Variants in SPC24 observed in about 807,000 individuals in gnomAD.
The protein encoded by SPC24 is SPC24 component of NDC80 kinetochore complex.
Under a neutral mutation model 27.6 loss-of-function variants are expected in SPC24, and 31 were observed. The ratio of observed to expected loss-of-function variants is 1.12; its 90% CI spans 0.84 to 1.52. The LOEUF (loss-of-function observed/expected upper bound fraction) is 1.52, where lower values mean the gene tolerates loss of function less well. Ranked by LOEUF, SPC24 falls within the 40% of genes most tolerant of loss-of-function variation. The pLI is 0.00. For missense variants in SPC24, 284 were observed against 252.5 expected (o/e 1.12, Z -0.84); for synonymous variants, 105 against 105.8 (o/e 0.99, Z 0.05).
At chr19:11,151,219 A>G (rs923237399) in intron 1 of SPC24, among the ~76,000 whole-genome samples, 1 of 151,884 alleles carries the variant, frequency 6.6e-6, no homozygotes, top group Non-Finnish European at 1.5e-5. Flanking sequence ...AGTTTTAGAA[A>G]CTTACATTAT....
chr19:11,151,268 A>G (rs367672245), intron 1 of SPC24, among the ~76,000 whole-genome samples: 1 of 151,980 alleles, frequency 6.6e-6, no homozygotes, highest in Non-Finnish European at 1.5e-5. Flanking sequence ...TTCTGCAAAC[A>G]TGAACACACA....
chr19:11,147,525 C>T, intron 4 of SPC24: 1 of 567,548 alleles, frequency 1.8e-6, no homozygotes, highest in Non-Finnish European at 3.1e-6. Context: ...CACGCCTGGC[C>T]TCAGGTCTTC....
At chr19:11,148,867 C>T (rs975492224) in intron 2 of SPC24, among the ~76,000 whole-genome samples, 1 of 152,180 alleles carries the variant, frequency 6.6e-6, no homozygotes, top group African/African-American at 2.4e-5. Context: ...CCACCTGCCT[C>T]GGCCTCCCAA....
intron 1 of SPC24, among the ~76,000 whole-genome samples, chr19:11,153,544 G>A (rs9676629): frequency 0.034 from 5,149 of 152,004 alleles, 296 homozygotes; most frequent in African/African-American, 0.12. Flanking sequence ...GGCGGATCAC[G>A]AGGTCAAGAG....
Position 11,149,387 on chromosome 19 carries a change from C to T in SPC24, c.161-149G>A, listed in dbSNP as rs543422781. 519 of 567,318 alleles carry T rather than the reference C, an allele frequency of 9.1e-4. 3 individuals carry two copies. The highest frequency in any genetic ancestry group is 1.2e-3 in the Non-Finnish European group (406 of 351,932). The allele number at this position is 567,318 out of a possible 1,614,324, so 35.1% of individuals were successfully genotyped here. ...AGAGTTCTACTGGCAACTTGTACAA[C>T]TACTGTTTCACCAAAACACATTTAA... is the stretch of plus-strand genomic sequence containing the variant. On this transcript the variant is annotated intron_variant, in intron 1 of 4. Coordinates refer to ENST00000592540, the MANE Select transcript of SPC24 (RefSeq NM_182513.4).
At chr19:11,149,314 G>C in intron 1 of SPC24, 76 bp from the exon 2 acceptor site, 1 of 1,336,934 alleles carries the variant, frequency 7.5e-7, no homozygotes, top group Non-Finnish European at 9.8e-7. Flanking sequence ...GGTTCCACTT[G>C]CCTCCACTGG....
At position 11,149,095 on chromosome 19, in the gene SPC24, G is replaced by T; in HGVS notation, c.304C>A (p.Leu102Ile). Residue 102 changes from leucine (L) to isoleucine (I), a missense_variant and splice_region_variant, in exon 2 of 5, where the codon CTT becomes ATT. Coordinates refer to ENST00000592540, the MANE Select transcript of SPC24 (RefSeq NM_182513.4). The part of the protein sequence containing the change: ...EEDTRLKASL[L>I]QLTRELEELK... ...TGATCCCCTAGCAGAAAAGGATATA[G>T]GAGGCTGGCCTTCAGACGGGTGTCC... The T allele has an allele frequency of 6.6e-7, 1 of 1,525,140 alleles. No homozygotes were observed. Among genetic ancestry groups the T allele is most frequent in the Non-Finnish European group, 8.8e-7 (1 of 1,136,964 alleles). 94.5% of individuals were successfully genotyped at this position (1,525,140 alleles called of 1,614,324 possible).
Position 11,145,542 on chromosome 19 carries a change from C to T in SPC24, c.*1641G>A, listed in dbSNP as rs187464374. The T allele has an allele frequency of 3.3e-5, 5 of 152,240 alleles. No individual in the cohort carries two copies. The highest frequency in any genetic ancestry group is 3.3e-4 in the Admixed American group (5 of 15,260). The allele number at this position is 152,240 out of a possible 1,614,324, so 9.4% of individuals were successfully genotyped here. On this transcript the variant is annotated 3_prime_UTR_variant, in exon 5 of 5. Coordinates refer to ENST00000592540, the MANE Select transcript of SPC24 (RefSeq NM_182513.4). ...TATTTTGGTATCTGTCATAGAAAAC[C>T]CCCAAAACCAGCAGCTTACACAAGG...
Position 11,147,265 on chromosome 19 carries a change from TG to T in SPC24, c.511del (p.Gln171SerfsTer50). The T allele has an allele frequency of 6.4e-7, 1 of 1,566,664 alleles. No individual in the cohort carries two copies. The highest frequency in any genetic ancestry group is 8.7e-7 in the Non-Finnish European group (1 of 1,154,996). On this transcript the variant is annotated frameshift_variant, in exon 5 of 5. Coordinates refer to ENST00000592540, the MANE Select transcript of SPC24 (RefSeq NM_182513.4). LOFTEE classifies it high-confidence loss of function. ...KGIHHGPSVAQPIHLDSTQLS... is the reference protein window; with the variant it reads ...KGIHHGPSVAXPIHLDSTQLS... ...CTGGGTGCTGTCCAGGTGGATGGGC[TG>T]GGCCACACTGGGGCCATGATGGACT...
Position 11,148,059 on chromosome 19 carries a change from C to G in SPC24, c.364G>C (p.Glu122Gln). The change falls in exon 3 of 5, where the codon GAG becomes CAG. Residue 122 changes from glutamate (E) to glutamine (Q), a missense_variant. Coordinates refer to ENST00000592540, the MANE Select transcript of SPC24 (RefSeq NM_182513.4). The part of the protein sequence containing the change: ...KEIEADLERQ[E>Q]KEVDEDTTVT... The stretch of plus-strand genomic sequence containing the variant: ...GTCGTGTCCTCGTCGACCTCCTTCT[C>G]CTGTCGCTCCAGATCCGCCTCAATC... 1.2e-6 allele frequency: 2 copies of G among 1,613,916 alleles called. No homozygotes were observed. The highest frequency in any genetic ancestry group is 1.7e-5 in the Admixed American group (1 of 59,968).
intron 1 of SPC24, among the ~76,000 whole-genome samples, chr19:11,154,407 C>T (rs1249842769): frequency 2.0e-5 from 3 of 152,032 alleles, no homozygotes; most frequent in South Asian, 2.1e-4. Context: ...GGCATGGTGG[C>T]GCATAAGTGT....
chr19:11,151,607 A>T (rs1263169249), intron 1 of SPC24, among the ~76,000 whole-genome samples: 2 of 92,270 alleles, frequency 2.2e-5, no homozygotes, highest in African/African-American at 9.4e-5. Context: ...AGCTGAGGGG[A>T]TACTTTTTTT....
chr19:11,155,748 ACCT>A lies in SPC24; in HGVS notation c.26_28del (p.Glu9del). On this transcript the variant is annotated inframe_deletion, in exon 1 of 5. Transcript: ENST00000592540. ...CAGCAGGCTGAGCAGCCCCTGGCTCACCTCCTCTATGTCGCGGAAGGCGGCCAT... is the reference window on the plus strand; with the variant it reads ...CAGCAGGCTGAGCAGCCCCTGGCTCACCTCTATGTCGCGGAAGGCGGCCAT... 6.4e-7 allele frequency: 1 copy of A among 1,573,728 alleles called. No individual in the cohort carries two copies. Among genetic ancestry groups the A allele is most frequent in the South Asian group, 1.1e-5 (1 of 87,918 alleles).
chr19:11,153,716 C>T (rs1376599040), intron 1 of SPC24, among the ~76,000 whole-genome samples: 7 of 146,922 alleles, frequency 4.8e-5, no homozygotes, highest in South Asian at 4.3e-4. Context: ...GCAGAGATCA[C>T]GCTGCTGTAC....
chr19:11,151,611 T>C lies in SPC24; in HGVS notation c.161-2373A>G, dbSNP rs558522438. On this transcript the variant is annotated intron_variant, in intron 1 of 4. Transcript: ENST00000592540. ...TATTCTCACACAGCTGAGGGGATAC[T>C]TTTTTTTTGGGGGGGGGGGATGGAG... Among the ~76,000 whole-genome samples the C allele has an allele frequency of 4.8e-3, 232 of 48,710 alleles. 9 individuals are homozygous for C. The East Asian group carries it at 0.067, about 14-fold the overall frequency. The allele number at this position is 48,710 out of a possible 152,430, so 32.0% of individuals were successfully genotyped here.
rs1374884378 is a variant in SPC24 at position 11,146,425 on chromosome 19, TAGGAGCTGAGGCCGAAAATC to T, written c.*738_*757del. 3 of 130,150 alleles carry T rather than the reference TAGGAGCTGAGGCCGAAAATC, an allele frequency of 2.3e-5. No homozygotes were observed. Among genetic ancestry groups the T allele is most frequent in the Non-Finnish European group, 4.8e-5 (3 of 63,154 alleles). 8.1% of individuals were successfully genotyped at this position (130,150 alleles called of 1,614,324 possible). ...GTTGGTTACCTAGCTGAGGCCACTC[TAGGAGCTGAGGCCGAAAATC>T]AGGAGAAAAAGAAATCCAGTAAAAA... On this transcript the variant is annotated 3_prime_UTR_variant, in exon 5 of 5. Transcript: ENST00000592540.
chr19:11,149,458 C>T (rs1175874185), intron 1 of SPC24: 1 of 355,740 alleles, frequency 2.8e-6, no homozygotes, highest in Non-Finnish European at 5.0e-6. Context: ...TAAAATATAA[C>T]AAAATAGTTG....
At chr19:11,155,495 G>A in intron 1 of SPC24, 122 bp downstream of exon 1, 1 of 1,191,704 alleles carries the variant, frequency 8.4e-7, no homozygotes, top group Non-Finnish European at 1.1e-6. Context: ...GCCGTCCCAG[G>A]GGGCATAGGG....
intron 4 of SPC24, 189 bp downstream of exon 4, chr19:11,147,629 T>G: frequency 1.6e-6 from 1 of 609,216 alleles, no homozygotes; most frequent in South Asian, 1.9e-5. Context: ...AGACGTGGGG[T>G]CTCACTGATA....
Sources: allele counts gnomAD v4.1 joint callset (sites outside exome capture counted in the v4.1 genomes callset), GRCh38; gene constraint gnomAD v4.1.1; transcripts MANE v1.5; gene names NCBI Gene and HGNC (gene_info 2026-07-23, HGNC 2026-07-21).